Variants in SLC44A5 observed in about 807,000 individuals in gnomAD.
The protein encoded by SLC44A5 is choline transporter-like protein 5.
Under a neutral mutation model 101.8 loss-of-function variants are expected in SLC44A5, and 57 were observed. The ratio of observed to expected loss-of-function variants is 0.56; its 90% CI spans 0.45 to 0.70. The LOEUF is 0.70. Among genes scored for constraint, SLC44A5 ranks in the 30% least tolerant of loss-of-function variants. SLC44A5 has a pLI of 0.00. For missense variants in SLC44A5, 737 were observed against 853.1 expected, an observed-to-expected ratio of 0.86 and a Z score of 1.70; for synonymous variants, 281 against 290.9, an observed-to-expected ratio of 0.97 and a Z score of 0.35.
chr1:75,578,560 T>C (rs1319943824), intron 1 of SLC44A5, among the ~76,000 whole-genome samples: 2 of 152,166 alleles, frequency 1.3e-5, no homozygotes, highest in African/African-American at 4.8e-5. Flanking sequence ...TGTGACCTCA[T>C]TTATATGTGG....
the SLC44A5 span, among the ~76,000 whole-genome samples, chr1:75,689,547 T>A: frequency 8.0e-4 from 122 of 152,322 alleles, no homozygotes; most frequent in Non-Finnish European, 1.3e-3. Context: ...GACCAGACCA[T>A]GAACCACTCA....
intron 2 of SLC44A5, among the ~76,000 whole-genome samples, chr1:75,533,455 C>T (rs1229789625): frequency 6.6e-6 from 1 of 151,916 alleles, no homozygotes; most frequent in South Asian, 2.1e-4. Context: ...AAATGGAGTC[C>T]CTTATGTTTA....
chr1:75,268,852 A>T (rs576345074), intron 6 of SLC44A5, among the ~76,000 whole-genome samples: 1 of 152,264 alleles, frequency 6.6e-6, no homozygotes, highest in South Asian at 2.1e-4. Context: ...ACTATACCGT[A>T]ATTCATTTAA....
At chr1:75,597,757 G>T (rs886975732) in intron 1 of SLC44A5, among the ~76,000 whole-genome samples, 5 of 152,104 alleles carry the variant, frequency 3.3e-5, no homozygotes, top group African/African-American at 7.2e-5. Flanking sequence ...ATTGAAACTG[G>T]ACCTCTTTCT....
chr1:75,435,913 T>C (rs911102773), intron 2 of SLC44A5, among the ~76,000 whole-genome samples: 2 of 151,806 alleles, frequency 1.3e-5, no homozygotes, highest in African/African-American at 2.4e-5. Flanking sequence ...ACAAAACTAC[T>C]ACAACCTGAT....
At chr1:75,697,679 C>A in the SLC44A5 span, among the ~76,000 whole-genome samples, 191 of 152,292 alleles carry the variant, frequency 1.3e-3, no homozygotes, top group Admixed American at 2.2e-3. Flanking sequence ...CAGCTCCAGT[C>A]TACAGCTCCC....
At chr1:75,656,711 C>T in the SLC44A5 span, among the ~76,000 whole-genome samples, 1 of 151,772 alleles carries the variant, frequency 6.6e-6, no homozygotes, top group African/African-American at 2.4e-5. Context: ...AAACATACTG[C>T]CAGAGAAAAT....
intron 23 of SLC44A5, chr1:75,206,449 T>C (rs12135977): frequency 0.2 from 114,401 of 569,224 alleles, 12,582 homozygotes; most frequent in Middle Eastern, 0.31. Context: ...CAGCAGCTAA[T>C]GTCATCAAAT....
intron 1 of SLC44A5, among the ~76,000 whole-genome samples, chr1:75,593,440 A>T (rs185977244): frequency 2.6e-5 from 4 of 152,194 alleles, no homozygotes; most frequent in Admixed American, 1.3e-4. Context: ...TTCCTCAAAA[A>T]ACTAAAAGTT....
At chr1:75,666,532 C>T in the SLC44A5 span, among the ~76,000 whole-genome samples, 89 of 152,310 alleles carry the variant, frequency 5.8e-4, 1 homozygote, top group African/African-American at 2.0e-3. Flanking sequence ...TGGTACCACT[C>T]CTTCTGAAAT....
At chr1:75,254,396 G>A (rs1298530665) in intron 6 of SLC44A5, among the ~76,000 whole-genome samples, 1 of 152,072 alleles carries the variant, frequency 6.6e-6, no homozygotes, top group Non-Finnish European at 1.5e-5. Flanking sequence ...GAGCAATTCT[G>A]TAGAAGTAAT....
intron 4 of SLC44A5, among the ~76,000 whole-genome samples, chr1:75,312,250 T>C (rs1655362591): frequency 6.6e-6 from 1 of 152,174 alleles, no homozygotes; most frequent in Non-Finnish European, 1.5e-5. Flanking sequence ...CGGAGTCAAT[T>C]AAACCTCTTT....
chr1:75,622,855 A>G, the SLC44A5 span, among the ~76,000 whole-genome samples: 1 of 152,148 alleles, frequency 6.6e-6, no homozygotes, highest in African/African-American at 2.4e-5. Context: ...TTTGTTTATA[A>G]CTTTGGTCCT....
Position 75,542,808 on chromosome 1 carries a change from T to C in SLC44A5, c.-69-1292A>G, listed in dbSNP as rs997549833. On this transcript the variant is annotated intron_variant, in intron 1 of 23. Transcript: ENST00000370859. ...TTTGATTATTTTGTTTTTATTGCAATAATCCAAAATAATTTTGCTGACTGA... is the reference window on the plus strand; with the variant it reads ...TTTGATTATTTTGTTTTTATTGCAACAATCCAAAATAATTTTGCTGACTGA... 6.6e-5 allele frequency among the ~76,000 whole-genome samples: 10 copies of C among 152,194 alleles called. 1 individual carries two copies. Among genetic ancestry groups the C allele is most frequent in the African/African-American group, 2.4e-4 (10 of 41,470 alleles).
At chr1:75,525,616 G>GA (rs1320169433) in intron 2 of SLC44A5, among the ~76,000 whole-genome samples, 1 of 151,996 alleles carries the variant, frequency 6.6e-6, no homozygotes, top group Admixed American at 6.5e-5. Flanking sequence ...AACTTTGTTT[G>GA]AAAAAAAGAG....
intron 3 of SLC44A5, among the ~76,000 whole-genome samples, chr1:75,376,094 G>A (rs1470544564): frequency 1.3e-5 from 2 of 152,194 alleles, no homozygotes; most frequent in African/African-American, 4.8e-5. Flanking sequence ...CTGGAAAATT[G>A]GGTCACTCCC....
intron 1 of SLC44A5, among the ~76,000 whole-genome samples, chr1:75,552,657 T>C (rs1279646673): frequency 2.6e-5 from 4 of 151,318 alleles, no homozygotes; most frequent in East Asian, 3.9e-4. Flanking sequence ...GGGCCCTTTT[T>C]CCCACCTCTG....
chr1:75,291,837 C>T (rs551652578), intron 5 of SLC44A5, among the ~76,000 whole-genome samples: 3 of 151,862 alleles, frequency 2.0e-5, no homozygotes, highest in Admixed American at 2.0e-4. Flanking sequence ...TGGTGAAACC[C>T]CGTTTCTACT....
At chr1:75,372,387 G>A (rs1160848055) in intron 3 of SLC44A5, among the ~76,000 whole-genome samples, 1 of 152,004 alleles carries the variant, frequency 6.6e-6, no homozygotes, top group Non-Finnish European at 1.5e-5. Flanking sequence ...AAAATAAAGA[G>A]TAATTAAGAT....
Sources: allele counts gnomAD v4.1 joint callset (sites outside exome capture counted in the v4.1 genomes callset), GRCh38; gene constraint gnomAD v4.1.1; transcripts MANE v1.5; gene names NCBI Gene and HGNC (gene_info 2026-07-23, HGNC 2026-07-21).